TMEM51: variants seen among roughly 807,000 people sequenced by gnomAD.
TMEM51 encodes chromosome 1 open reading frame 72.
TMEM51 carries 8 observed loss-of-function variants against 13.6 expected under a neutral mutation model. The ratio of observed to expected loss-of-function variants is 0.59; its 90% CI spans 0.35 to 1.07. The LOEUF is 1.07. Ranked by LOEUF, TMEM51 falls within the 50% of genes least tolerant of loss-of-function variation. The pLI is 0.02. For synonymous variants in TMEM51, 147 were observed against 144.4 expected, an observed-to-expected ratio of 1.02 and a Z score of -0.13; for missense variants, 279 against 330.7, an observed-to-expected ratio of 0.84 and a Z score of 1.21.
intron 3 of TMEM51, among the ~76,000 whole-genome samples, chr1:15,217,748 T>C (rs529711556): frequency 6.6e-6 from 1 of 152,224 alleles, no homozygotes; most frequent in East Asian, 1.9e-4. Flanking sequence ...ACTTTGGGTC[T>C]ATCTAGGGCC....
chr1:15,192,079 C>T (rs1307305320), intron 1 of TMEM51: 1 of 507,654 alleles, frequency 2.0e-6, no homozygotes, highest in Admixed American at 2.0e-5. Context: ...CGGAGCAGAC[C>T]TGCCACGCGA....
intron 1 of TMEM51, chr1:15,191,783 G>T: frequency 3.2e-6 from 1 of 316,910 alleles, no homozygotes; most frequent in Non-Finnish European, 6.4e-6. Flanking sequence ...TTTATTTCCA[G>T]CTGTTGAGAC....
In TMEM51 at chr1:15,219,884, G is replaced by A; in HGVS notation, c.*141G>A. 4 of 918,990 alleles carry A rather than the reference G, an allele frequency of 4.4e-6. No individual in the cohort carries two copies. Among genetic ancestry groups the A allele is most frequent in the Admixed American group, 2.8e-5 (1 of 35,142 alleles). The allele number at this position is 918,990 out of a possible 1,614,324, so 56.9% of individuals were successfully genotyped here. ...ATTTGGATGGCGGCGGGCGGGGGGG[G>A]ATTCTCTGTATCAGGAGTGACTTTG... is the stretch of plus-strand genomic sequence containing the variant. On this transcript the variant is annotated 3_prime_UTR_variant, in exon 4 of 4. Coordinates refer to ENST00000376008, the MANE Select transcript of TMEM51 (RefSeq NM_001136218.2).
intron 1 of TMEM51, among the ~76,000 whole-genome samples, chr1:15,205,181 G>A (rs1404662759): frequency 3.9e-5 from 6 of 152,162 alleles, no homozygotes; most frequent in African/African-American, 1.4e-4. Context: ...TCATGAACTC[G>A]CTGCTTCTGC....
At chr1:15,160,956 G>A (rs1055481845) in intron 1 of TMEM51, among the ~76,000 whole-genome samples, 1 of 151,852 alleles carries the variant, frequency 6.6e-6, no homozygotes, top group African/African-American at 2.4e-5. Context: ...CCGTGAAGGA[G>A]GAGGCTTAAC....
intron 1 of TMEM51, among the ~76,000 whole-genome samples, chr1:15,188,997 C>G (rs1000357335): frequency 1.3e-5 from 2 of 152,182 alleles, no homozygotes; most frequent in Non-Finnish European, 2.9e-5. Flanking sequence ...ACCATCCATG[C>G]CCAGCTCATA....
chr1:15,190,960 T>C (rs925081695), intron 1 of TMEM51, among the ~76,000 whole-genome samples: 3 of 152,102 alleles, frequency 2.0e-5, no homozygotes, highest in Non-Finnish European at 4.4e-5. Flanking sequence ...GCTAATTTTT[T>C]GTATTTTTAG....
At chr1:15,217,987 T>C (rs1644455853) in intron 3 of TMEM51, among the ~76,000 whole-genome samples, 1 of 152,230 alleles carries the variant, frequency 6.6e-6, no homozygotes, top group African/African-American at 2.4e-5. Flanking sequence ...TTCCCCACCC[T>C]AGCTGTGAGC....
At chr1:15,180,654 G>A (rs1450833041) in intron 1 of TMEM51, among the ~76,000 whole-genome samples, 2 of 152,204 alleles carry the variant, frequency 1.3e-5, no homozygotes, top group African/African-American at 4.8e-5. Context: ...ATGTTTCTCT[G>A]TATAAGTGAC....
intron 1 of TMEM51, among the ~76,000 whole-genome samples, chr1:15,159,947 A>C (rs1242878982): frequency 6.6e-6 from 1 of 152,228 alleles, no homozygotes; most frequent in Non-Finnish European, 1.5e-5. Flanking sequence ...ATCCTGGCAG[A>C]ACCTGGCAGA....
Position 15,219,795 on chromosome 1 carries a change from A to G in TMEM51, c.*52A>G. The G allele has an allele frequency of 6.4e-7, 1 of 1,570,090 alleles. No individual in the cohort carries two copies. The highest frequency in any genetic ancestry group is 1.4e-5 in the African/African-American group (1 of 73,420). On this transcript the variant is annotated 3_prime_UTR_variant, in exon 4 of 4. Transcript: ENST00000376008. ...CCTGTCTCTCACACCTTTCACCCCC[A>G]AGACTCTAACAAAGCCACATGAGCC...
intron 1 of TMEM51, among the ~76,000 whole-genome samples, chr1:15,156,152 TAGTG>T (rs1324482714): frequency 6.6e-6 from 1 of 152,012 alleles, no homozygotes; most frequent in Non-Finnish European, 1.5e-5. Context: ...CAGAGAGAAG[TAGTG>T]AGTGAGTGTC....
In TMEM51 at chr1:15,161,006, C is replaced by CAGT. The variant is rs1399935429; in HGVS notation, c.-267+7053_-267+7055dup. ...TCAGGAAGGATTTTCAGAAAGAGTG[C>CAGT]AGTCTGAGCTGAAATGGGGAGCGGG... On this transcript the variant is annotated intron_variant, in intron 1 of 3. Coordinates refer to ENST00000376008, the MANE Select transcript of TMEM51 (RefSeq NM_001136218.2). The surrounding 1 kb of genome is among the most constrained non-coding windows in gnomAD (Gnocchi z 4.0). Among the ~76,000 whole-genome samples, 1 of 151,908 alleles carries CAGT rather than the reference C, an allele frequency of 6.6e-6. No individual in the cohort carries two copies. Among genetic ancestry groups the CAGT allele is most frequent in the African/African-American group, 2.4e-5 (1 of 41,234 alleles).
At chr1:15,168,306 T>C (rs1573383515) in intron 1 of TMEM51, among the ~76,000 whole-genome samples, 1 of 152,148 alleles carries the variant, frequency 6.6e-6, no homozygotes, top group Non-Finnish European at 1.5e-5. Flanking sequence ...CTGTGGCAGG[T>C]CAGTAGCTTT....
At chr1:15,205,763 T>C (rs1242237138) in intron 1 of TMEM51, among the ~76,000 whole-genome samples, 1 of 152,180 alleles carries the variant, frequency 6.6e-6, no homozygotes, top group Non-Finnish European at 1.5e-5. Context: ...TGGCACAGAA[T>C]TGGCATTCAA....
chr1:15,175,489 C>T (rs1205571698), intron 1 of TMEM51, among the ~76,000 whole-genome samples: 2 of 152,204 alleles, frequency 1.3e-5, no homozygotes, highest in South Asian at 2.1e-4. Flanking sequence ...TGCCCATCCT[C>T]CAAGGTGATT....
At chr1:15,157,646 G>C (rs557212139) in intron 1 of TMEM51, among the ~76,000 whole-genome samples, 1 of 152,156 alleles carries the variant, frequency 6.6e-6, no homozygotes, top group Admixed American at 6.5e-5. Flanking sequence ...AAGGGCCAAG[G>C]GTCCTGAAAG....
intron 1 of TMEM51, chr1:15,191,773 T>G: frequency 3.1e-6 from 1 of 324,902 alleles, no homozygotes; most frequent in African/African-American, 2.2e-5. Context: ...TGCAAATCTT[T>G]TTATTTCCAG....
chr1:15,171,674 T>G (rs113293945), intron 1 of TMEM51, among the ~76,000 whole-genome samples: 68 of 152,314 alleles, frequency 4.5e-4, no homozygotes, highest in African/African-American at 1.6e-3. Context: ...CTCCCAGCTT[T>G]CCACAGATTC....
Sources: gnomAD v4.1 joint callset for allele counts (sites outside exome capture counted in the v4.1 genomes callset) on GRCh38, gnomAD v4.1.1 for gene constraint, Gnocchi (gnomAD v3.1) non-coding constraint, MANE v1.5 for transcripts, NCBI Gene and HGNC (gene_info 2026-07-23, HGNC 2026-07-21) for gene names.